KCND2: variants seen among roughly 807,000 people sequenced by gnomAD.
KCND2 encodes the protein potassium voltage-gated channel subfamily D member 2.
KCND2 carries 16 observed loss-of-function variants against 54.4 expected under a neutral mutation model. That is an observed-to-expected ratio of 0.29 (90% CI 0.20 to 0.45). The LOEUF (loss-of-function observed/expected upper bound fraction) is 0.45, where lower values mean the gene tolerates loss of function less well. Ranked by LOEUF, KCND2 falls within the 20% of genes least tolerant of loss-of-function variation. The probability of loss-of-function intolerance (pLI) is 1.00; values close to 1 mark genes in which losing one functional copy is unlikely to be tolerated. For synonymous variants in KCND2, 317 were observed against 310.7 expected (o/e 1.02, Z -0.21); for missense variants, 486 against 824.2 (o/e 0.59, Z 5.02).
intron 1 of KCND2, among the ~76,000 whole-genome samples, chr7:120,403,324 T>C (rs2116086198): frequency 6.6e-6 from 1 of 151,886 alleles, no homozygotes; most frequent in South Asian, 2.1e-4. Context: ...GTTTTTTTTT[T>C]TTTTCTTTTA....
intron 1 of KCND2, among the ~76,000 whole-genome samples, chr7:120,543,734 CT>C (rs1198703218): frequency 6.6e-6 from 1 of 151,870 alleles, no homozygotes. Context: ...TAGTCTATTC[CT>C]TTTATCTTTC....
chr7:120,359,487 A>G (rs1260965142), intron 1 of KCND2, among the ~76,000 whole-genome samples: 2 of 152,272 alleles, frequency 1.3e-5, no homozygotes, highest in African/African-American at 4.8e-5. Flanking sequence ...AATGTTTAAT[A>G]CATGTACAAT....
chr7:120,712,943 A>G (rs1792558397), intron 1 of KCND2, among the ~76,000 whole-genome samples: 1 of 152,188 alleles, frequency 6.6e-6, no homozygotes, highest in Non-Finnish European at 1.5e-5. Flanking sequence ...AAATAGGATC[A>G]TAAGACTGCA....
intron 1 of KCND2, among the ~76,000 whole-genome samples, chr7:120,484,186 G>A (rs942799826): frequency 6.6e-6 from 1 of 152,102 alleles, no homozygotes; most frequent in African/African-American, 2.4e-5. Context: ...ACTCGTGAGG[G>A]TACAGGACAC....
intron 1 of KCND2, among the ~76,000 whole-genome samples, chr7:120,602,734 A>G (rs1420399565): frequency 5.3e-5 from 8 of 152,238 alleles, no homozygotes; most frequent in African/African-American, 1.9e-4. Flanking sequence ...AACTTCAGAA[A>G]GACATTGGCT....
chr7:120,595,889 AGGAG>A (rs909229177), intron 1 of KCND2, among the ~76,000 whole-genome samples: 24 of 151,658 alleles, frequency 1.6e-4, no homozygotes, highest in East Asian at 3.9e-4. Context: ...GAAAGCGGAA[AGGAG>A]GGAGGGAGGG....
At chr7:120,463,937 A>G in intron 1 of KCND2, 1 of 350,078 alleles carries the variant, frequency 2.9e-6, no homozygotes, top group South Asian at 1.1e-4. Context: ...ATAGATAGAT[A>G]GATAGATCGA....
chr7:120,310,500 A>C (rs1303054356), intron 1 of KCND2, among the ~76,000 whole-genome samples: 1 of 152,204 alleles, frequency 6.6e-6, no homozygotes, highest in African/African-American at 2.4e-5. Flanking sequence ...TCTGGCTCAC[A>C]ACATGCAGAA....
chr7:120,706,027 C>T (rs184615424), intron 1 of KCND2, among the ~76,000 whole-genome samples: 41 of 152,168 alleles, frequency 2.7e-4, no homozygotes, highest in Admixed American at 2.3e-3. Flanking sequence ...ACATCCAGAG[C>T]GCAGGGCCAT....
chr7:120,287,281 A>T (rs533582910), intron 1 of KCND2, among the ~76,000 whole-genome samples: 1 of 152,226 alleles, frequency 6.6e-6, no homozygotes, highest in East Asian at 1.9e-4. Flanking sequence ...TAACTCCCAG[A>T]TGATTGTGAG....
intron 1 of KCND2, among the ~76,000 whole-genome samples, chr7:120,637,030 C>T (rs1223342164): frequency 6.6e-6 from 1 of 152,074 alleles, no homozygotes; most frequent in African/African-American, 2.4e-5. Flanking sequence ...TCAAGGTCCA[C>T]GTGTAATTTT....
intron 1 of KCND2, among the ~76,000 whole-genome samples, chr7:120,304,518 A>G (rs1799623922): frequency 6.6e-6 from 1 of 152,166 alleles, no homozygotes; most frequent in African/African-American, 2.4e-5. Context: ...ATGCTTACTA[A>G]CATGCCCCAC....
intron 2 of KCND2, among the ~76,000 whole-genome samples, chr7:120,735,322 C>T (rs902424831): frequency 2.6e-5 from 4 of 152,014 alleles, no homozygotes; most frequent in Non-Finnish European, 5.9e-5. Flanking sequence ...ACACTCATGA[C>T]GCTGCCCATA....
chr7:120,302,866 T>A (rs1411526944), intron 1 of KCND2, among the ~76,000 whole-genome samples: 3 of 152,164 alleles, frequency 2.0e-5, no homozygotes, highest in Admixed American at 1.3e-4. Flanking sequence ...CTTGAGTAGA[T>A]TTTAGAGATT....
intron 1 of KCND2, among the ~76,000 whole-genome samples, chr7:120,498,397 T>C (rs566979173): frequency 0.061 from 9,254 of 152,072 alleles, 588 homozygotes; most frequent in African/African-American, 0.17. Context: ...GGAGAATCAC[T>C]TGAACCCAGG....
At chr7:120,692,768 AGAG>A (rs1308175648) in intron 1 of KCND2, among the ~76,000 whole-genome samples, 3 of 152,162 alleles carry the variant, frequency 2.0e-5, no homozygotes, top group Non-Finnish European at 4.4e-5. Flanking sequence ...AGGGCCTGGG[AGAG>A]GATTCAGCCC....
At chr7:120,668,177 A>G (rs1263507593) in intron 1 of KCND2, among the ~76,000 whole-genome samples, 7 of 152,026 alleles carry the variant, frequency 4.6e-5, no homozygotes, top group Non-Finnish European at 1.0e-4. Flanking sequence ...ATATTATCAA[A>G]ATGAATGGAT....
At chr7:120,445,807 AT>A (rs1802010747) in intron 1 of KCND2, among the ~76,000 whole-genome samples, 1 of 152,120 alleles carries the variant, frequency 6.6e-6, no homozygotes, top group South Asian at 2.1e-4. Flanking sequence ...TGTATGTTAT[AT>A]AATTATTTTT....
intron 1 of KCND2, among the ~76,000 whole-genome samples, chr7:120,452,877 C>T (rs576377467): frequency 6.6e-6 from 1 of 152,220 alleles, no homozygotes; most frequent in Non-Finnish European, 1.5e-5. Context: ...GCGGTCATGC[C>T]CCTGAGATGG....
Sources: gnomAD v4.1 joint callset for allele counts (sites outside exome capture counted in the v4.1 genomes callset) on GRCh38, gnomAD v4.1.1 for gene constraint, MANE v1.5 for transcripts, NCBI Gene and HGNC (gene_info 2026-07-23, HGNC 2026-07-21) for gene names.